FANCC: variants seen among roughly 807,000 people sequenced by gnomAD.
The protein encoded by FANCC is Fanconi anemia group C protein.
FANCC carries 55 observed loss-of-function variants against 71.3 expected under a neutral mutation model. The ratio of observed to expected loss-of-function variants is 0.77; its 90% CI spans 0.62 to 0.97. The LOEUF (loss-of-function observed/expected upper bound fraction) is 0.97. Ranked by LOEUF, FANCC falls within the 50% of genes least tolerant of loss-of-function variation. FANCC has a pLI of 0.00. For missense variants in FANCC, 678 were observed against 670.9 expected, an observed-to-expected ratio of 1.01 and a Z score of -0.12; for synonymous variants, 275 against 244.9, an observed-to-expected ratio of 1.12 and a Z score of -1.15.
chr9:95,154,245 CAAAAAAAAAAA>C (rs58720791), intron 6 of FANCC, among the ~76,000 whole-genome samples: 3 of 49,960 alleles, frequency 6.0e-5, no homozygotes, highest in African/African-American at 7.7e-5. Context: ...GACTCCGTCT[CAAAAAAAAAAA>C]AAAAAAAAAA....
intron 1 of FANCC, chr9:95,294,572 T>C: frequency 6.5e-7 from 1 of 1,535,026 alleles, no homozygotes; most frequent in Non-Finnish European, 9.0e-7. Context: ...ACTGAAGGAA[T>C]CTCCACTGTT....
intron 11 of FANCC, among the ~76,000 whole-genome samples, chr9:95,115,620 A>G (rs886696618): frequency 2.6e-5 from 4 of 152,238 alleles, no homozygotes; most frequent in Non-Finnish European, 4.4e-5. Context: ...ACGTATCTGC[A>G]GTTCTGTGCA....
chr9:95,132,890 A>G (rs1827123882), intron 8 of FANCC, among the ~76,000 whole-genome samples: 1 of 152,338 alleles, frequency 6.6e-6, no homozygotes, highest in African/African-American at 2.4e-5. Flanking sequence ...TCCAGGACTC[A>G]TTCTGCATAG....
At chr9:95,205,215 G>A (rs1828044788) in intron 4 of FANCC, among the ~76,000 whole-genome samples, 1 of 151,874 alleles carries the variant, frequency 6.6e-6, no homozygotes, top group Admixed American at 6.6e-5. Flanking sequence ...CTAATTGTTA[G>A]CAATTCATTT....
chr9:95,137,669 T>G (rs1035682634), intron 7 of FANCC, among the ~76,000 whole-genome samples: 7 of 152,154 alleles, frequency 4.6e-5, no homozygotes, highest in African/African-American at 1.4e-4. Context: ...AATAGGTCCT[T>G]GAATATCCAA....
rs1064793109 is a variant in FANCC, at chr9:95,249,294, T to C, written c.-3A>G. On this transcript the variant is annotated 5_prime_UTR_variant, in exon 2 of 15. Transcript: ENST00000289081. ...AGATCTACTGAATCTTGAGCCATCT[T>C]GGAAAAAGCGAAAAGGTGATGTCCC... 7 of 1,614,030 alleles carry C rather than the reference T, an allele frequency of 4.3e-6. No homozygotes were observed. The highest frequency in any genetic ancestry group is 5.9e-6 in the Non-Finnish European group (7 of 1,179,990).
chr9:95,285,934 C>G (rs1219552752), intron 1 of FANCC, among the ~76,000 whole-genome samples: 1 of 152,154 alleles, frequency 6.6e-6, no homozygotes, highest in Admixed American at 6.5e-5. Context: ...TGCTAACAAT[C>G]TATATCTCCA....
At chr9:95,274,461 T>C (rs576500972) in intron 1 of FANCC, among the ~76,000 whole-genome samples, 15 of 152,344 alleles carry the variant, frequency 9.8e-5, no homozygotes, top group Middle Eastern at 3.4e-3. Flanking sequence ...GTCTTTGCTA[T>C]TGTGAACAGT....
chr9:95,206,380 G>A (rs1207759406), intron 4 of FANCC, among the ~76,000 whole-genome samples: 3 of 151,916 alleles, frequency 2.0e-5, no homozygotes, highest in Non-Finnish European at 2.9e-5. Context: ...ATCTGCCAGC[G>A]CGGTCTGTGC....
At chr9:95,264,013 G>A (rs1047590717) in intron 1 of FANCC, among the ~76,000 whole-genome samples, 10 of 152,154 alleles carry the variant, frequency 6.6e-5, no homozygotes, top group African/African-American at 2.4e-4. Flanking sequence ...GTCACCTTGA[G>A]ACCCAGGGAT....
At chr9:95,228,081 A>G (rs546553020) in intron 4 of FANCC, among the ~76,000 whole-genome samples, 1 of 152,284 alleles carries the variant, frequency 6.6e-6, no homozygotes, top group African/African-American at 2.4e-5. Flanking sequence ...AAAATGCAAT[A>G]AAATCACCAG....
chr9:95,110,270 TTCTC>T, intron 13 of FANCC: 1 of 1,010,718 alleles, frequency 9.9e-7, no homozygotes, highest in Non-Finnish European at 1.2e-6. Context: ...TCAAAAGTGA[TTCTC>T]TGTCAGTAAC....
intron 1 of FANCC, among the ~76,000 whole-genome samples, chr9:95,257,928 A>G (rs1831775598): frequency 6.6e-6 from 1 of 152,242 alleles, no homozygotes; most frequent in African/African-American, 2.4e-5. Flanking sequence ...TAGAAAATCT[A>G]GAAGAAATGG....
At chr9:95,240,624 T>G in intron 4 of FANCC, 25 bp downstream of exon 4, 1 of 1,525,316 alleles carries the variant, frequency 6.6e-7, no homozygotes. Flanking sequence ...TTCAAAGAAG[T>G]GCAGAGCAAG....
Position 95,125,125 on chromosome 9 carries a change from C to A in FANCC, c.957G>T (p.Thr319=), listed in dbSNP as rs1060504647. The change falls in exon 10 of 15, where the codon ACG becomes ACT. Residue 319 remains threonine (T), a synonymous_variant. Transcript: ENST00000289081. ...LEIIATIQVF[T]QCFVEALEKA... ...TCTCCAGAGCTTCTACAAAGCACTG[C>A]GTAAACACCTGAATAGTGGCTATGA... The A allele has an allele frequency of 1.2e-6, 2 of 1,614,196 alleles. No homozygotes were observed. The highest frequency in any genetic ancestry group is 1.7e-6 in the Non-Finnish European group (2 of 1,180,036).
chr9:95,175,242 G>A (rs895028671), intron 4 of FANCC, among the ~76,000 whole-genome samples: 6 of 152,104 alleles, frequency 3.9e-5, no homozygotes, highest in Admixed American at 1.3e-4. Context: ...AATTAGAATT[G>A]CAAGTTAACA....
rs534866427 is a variant in FANCC at position 95,130,090 on chromosome 9, C to T, written c.844-3509G>A. Among the ~76,000 whole-genome samples the T allele has an allele frequency of 2.0e-5, 3 of 152,308 alleles. No homozygotes were observed. The South Asian group carries it at 6.2e-4, about 32-fold the overall frequency. On this transcript the variant is annotated intron_variant, in intron 8 of 14. Transcript: ENST00000289081. ...GGAAGAGAGGCAAGGGAGAGGCCAA[C>T]TTGTCACTCTGCACCATGAACTGTG...
In FANCC at chr9:95,125,125, C is replaced by T. The variant is rs1060504647; in HGVS notation, c.957G>A (p.Thr319=). The T allele has an allele frequency of 4.3e-6, 7 of 1,614,078 alleles. No individual in the cohort carries two copies. Among genetic ancestry groups the T allele is most frequent in the South Asian group, 1.1e-5 (1 of 91,084 alleles). The change falls in exon 10 of 15, where the codon ACG becomes ACA. Residue 319 remains threonine, a synonymous_variant. Coordinates refer to ENST00000289081, the MANE Select transcript of FANCC (RefSeq NM_000136.3). The stretch of plus-strand genomic sequence containing the variant: ...TCTCCAGAGCTTCTACAAAGCACTG[C>T]GTAAACACCTGAATAGTGGCTATGA... ...LEIIATIQVF[T]QCFVEALEKA... is the part of the protein sequence containing the mutation.
At chr9:95,278,598 G>T (rs1328760151) in intron 1 of FANCC, among the ~76,000 whole-genome samples, 1 of 152,074 alleles carries the variant, frequency 6.6e-6, no homozygotes, top group Non-Finnish European at 1.5e-5. Flanking sequence ...AATCACAGGG[G>T]TAAACAAGTA....
Sources: allele counts gnomAD v4.1 joint callset (sites outside exome capture counted in the v4.1 genomes callset), GRCh38; gene constraint gnomAD v4.1.1; transcripts MANE v1.5; gene names NCBI Gene and HGNC (gene_info 2026-07-23, HGNC 2026-07-21).